Variants in FHIP1A observed in about 807,000 individuals in gnomAD.
The protein encoded by FHIP1A is FHF complex subunit HOOK interacting protein 1A.
In FHIP1A, 61 loss-of-function variants were observed where a neutral mutation model predicts 88.6. The observed-to-expected ratio is 0.69, with a 90% CI of 0.56 to 0.85. The LOEUF is 0.85. FHIP1A is among the 40% of genes least tolerant of loss of function. FHIP1A has a pLI of 0.00. For synonymous variants in FHIP1A, 478 were observed against 496.0 expected (o/e 0.96, Z 0.48); for missense variants, 1,154 against 1,273.5 (o/e 0.91, Z 1.43).
At chr4:151,465,613 G>A (rs1323356354) in intron 2 of FHIP1A, among the ~76,000 whole-genome samples, 19 of 152,220 alleles carry the variant, frequency 1.2e-4, no homozygotes, top group Middle Eastern at 3.4e-3. Context: ...ATATCCATGC[G>A]AAAATCCTCA....
intron 3 of FHIP1A, among the ~76,000 whole-genome samples, chr4:151,518,274 A>T (rs1015216128): frequency 6.6e-6 from 1 of 152,146 alleles, no homozygotes; most frequent in East Asian, 1.9e-4. Context: ...CATTACTACC[A>T]TGCTGTACAG....
intron 3 of FHIP1A, among the ~76,000 whole-genome samples, chr4:151,498,908 G>T (rs1730555778): frequency 6.6e-6 from 1 of 152,190 alleles, no homozygotes; most frequent in African/African-American, 2.4e-5. Context: ...TTTTCTGCCT[G>T]TTGGTATCTT....
At chr4:151,418,699 T>C (rs1382288015) in intron 1 of FHIP1A, among the ~76,000 whole-genome samples, 1 of 152,202 alleles carries the variant, frequency 6.6e-6, no homozygotes, top group Non-Finnish European at 1.5e-5. Flanking sequence ...CTTTGGACCA[T>C]AGGCTTGTTT....
At chr4:151,446,638 G>A (rs1176180395) in intron 1 of FHIP1A, among the ~76,000 whole-genome samples, 8 of 141,536 alleles carry the variant, frequency 5.7e-5, no homozygotes, top group Admixed American at 2.1e-4. Flanking sequence ...GGGAAGTTTC[G>A]GTGCTTTAAA....
intron 3 of FHIP1A, among the ~76,000 whole-genome samples, chr4:151,530,870 T>C (rs533659449): frequency 8.5e-5 from 13 of 152,172 alleles, no homozygotes; most frequent in Non-Finnish European, 1.8e-4. Flanking sequence ...GCATGGCATA[T>C]GGTAATGTCT....
At chr4:151,434,295 G>A (rs1013963272) in intron 1 of FHIP1A, among the ~76,000 whole-genome samples, 10 of 151,962 alleles carry the variant, frequency 6.6e-5, no homozygotes, top group African/African-American at 2.4e-4. Flanking sequence ...TTCTTTGTAG[G>A]ATTAGATGGG....
intron 3 of FHIP1A, among the ~76,000 whole-genome samples, chr4:151,506,731 C>T (rs368498974): frequency 6.6e-6 from 1 of 152,156 alleles, no homozygotes. Context: ...GCATCCCCCA[C>T]CAGGCCGCAT....
intron 7 of FHIP1A, among the ~76,000 whole-genome samples, chr4:151,616,430 ATCTT>A (rs749919386): frequency 1.4e-5 from 2 of 142,350 alleles, no homozygotes; most frequent in Non-Finnish European, 3.0e-5. Flanking sequence ...AGACAAATAT[ATCTT>A]TCTTTCTTTC....
intron 3 of FHIP1A, among the ~76,000 whole-genome samples, chr4:151,490,983 A>G (rs754815086): frequency 1.3e-5 from 2 of 151,948 alleles, no homozygotes; most frequent in Admixed American, 6.6e-5. Context: ...AGCCTCCAAT[A>G]AATTTGAGAT....
chr4:151,638,810 T>C, intron 9 of FHIP1A, 54 bp downstream of exon 9: 1 of 963,718 alleles, frequency 1.0e-6, no homozygotes, highest in Non-Finnish European at 1.6e-6. Context: ...TACTTTATAT[T>C]ACTTTATATT....
chr4:151,509,649 A>T (rs747974012), intron 3 of FHIP1A, among the ~76,000 whole-genome samples: 5 of 152,128 alleles, frequency 3.3e-5, no homozygotes, highest in Non-Finnish European at 7.3e-5. Context: ...AATGGTGACC[A>T]ATAGAAGGCT....
At chr4:151,457,731 T>G (rs1470827806) in intron 2 of FHIP1A, among the ~76,000 whole-genome samples, 1 of 152,162 alleles carries the variant, frequency 6.6e-6, no homozygotes, top group Non-Finnish European at 1.5e-5. Flanking sequence ...CTTCCGCCCC[T>G]TTTTTAGGTA....
At chr4:151,603,241 A>T (rs1162597276) in intron 7 of FHIP1A, among the ~76,000 whole-genome samples, 1 of 151,688 alleles carries the variant, frequency 6.6e-6, no homozygotes, top group East Asian at 1.9e-4. Context: ...TGAACCTGGG[A>T]GGTGGAGGTT....
chr4:151,588,776 T>G (rs1214167992), intron 6 of FHIP1A, 64 bp from the exon 7 acceptor site: 114 of 1,052,182 alleles, frequency 1.1e-4, no homozygotes, highest in Non-Finnish European at 1.6e-4. Flanking sequence ...CACAGAATTG[T>G]TTTATTTTAA....
chr4:151,578,366 T>G (rs1733888790), intron 5 of FHIP1A, among the ~76,000 whole-genome samples: 2 of 152,222 alleles, frequency 1.3e-5, no homozygotes, highest in South Asian at 4.1e-4. Flanking sequence ...CAGGAGCATA[T>G]CCTGAGAGAT....
rs201892515 is a variant in FHIP1A, at chr4:151,560,357, A to G, written c.-122-5781A>G. 1.3e-4 allele frequency among the ~76,000 whole-genome samples: 20 copies of G among 152,274 alleles called. 1 individual carries two copies. In the East Asian group the frequency reaches 3.9e-3, roughly 29 times the overall value. On this transcript the variant is annotated intron_variant, in intron 3 of 13. Coordinates refer to ENST00000435205, the MANE Select transcript of FHIP1A (RefSeq NM_001109977.3). ...GTAGATACAGGTATTAGACTAAACA[A>G]CATCACTTGCCAAAGGTACCTACTC... is the stretch of plus-strand genomic sequence containing the variant.
At chr4:151,443,808 GC>G (rs993844823) in intron 1 of FHIP1A, among the ~76,000 whole-genome samples, 1 of 150,930 alleles carries the variant, frequency 6.6e-6, no homozygotes, top group African/African-American at 2.4e-5. Context: ...ATCAGAATTC[GC>G]ATCAGAAGCC....
chr4:151,493,417 A>G (rs1481310726), intron 3 of FHIP1A, among the ~76,000 whole-genome samples: 1 of 152,198 alleles, frequency 6.6e-6, no homozygotes, highest in African/African-American at 2.4e-5. Flanking sequence ...ATTGCTACCA[A>G]TCCTACTGAA....
intron 3 of FHIP1A, among the ~76,000 whole-genome samples, chr4:151,501,411 G>C (rs1308257658): frequency 6.6e-6 from 1 of 152,040 alleles, no homozygotes; most frequent in Non-Finnish European, 1.5e-5. Flanking sequence ...CGATGTACAA[G>C]TGTTTCTATT....
Sources: gnomAD v4.1 joint callset for allele counts (sites outside exome capture counted in the v4.1 genomes callset) on GRCh38, gnomAD v4.1.1 for gene constraint, MANE v1.5 for transcripts, NCBI Gene and HGNC (gene_info 2026-07-23, HGNC 2026-07-21) for gene names.